Variants in MICU2 observed in about 807,000 individuals in gnomAD.
MICU2 encodes mitochondrial calcium uptake 2.
A neutral mutation model predicts 60.4 loss-of-function variants in MICU2; 64 were observed. That is an observed-to-expected ratio of 1.06 (90% CI 0.87 to 1.31). The LOEUF (loss-of-function observed/expected upper bound fraction) is 1.31, where lower values mean the gene tolerates loss of function less well. Ranked by LOEUF, MICU2 falls within the 50% of genes most tolerant of loss-of-function variation. The pLI is 0.00. For synonymous variants in MICU2, 201 were observed against 175.0 expected, an observed-to-expected ratio of 1.15 and a Z score of -1.17; for missense variants, 569 against 531.0, an observed-to-expected ratio of 1.07 and a Z score of -0.70.
chr13:21,502,076 TATTCAATA>T (rs1294117123), intron 9 of MICU2, among the ~76,000 whole-genome samples: 4 of 152,246 alleles, frequency 2.6e-5, no homozygotes, highest in African/African-American at 9.6e-5. Context: ...TAAGACTTTC[TATTCAATA>T]ATAGGGGATG....
chr13:21,530,312 C>T (rs1886958663), intron 4 of MICU2, among the ~76,000 whole-genome samples: 1 of 152,158 alleles, frequency 6.6e-6, no homozygotes, highest in Non-Finnish European at 1.5e-5. Flanking sequence ...AAGCCTCCTT[C>T]CCTCACCCCT....
At chr13:21,503,337 A>G (rs1886224950) in intron 8 of MICU2, among the ~76,000 whole-genome samples, 1 of 152,224 alleles carries the variant, frequency 6.6e-6, no homozygotes, top group Admixed American at 6.5e-5. Flanking sequence ...TGTGTAAGTT[A>G]TACCTGGCAA....
intron 6 of MICU2, among the ~76,000 whole-genome samples, chr13:21,514,698 AT>A (rs71202422): frequency 0.18 from 25,522 of 141,054 alleles, 3,325 homozygotes; most frequent in East Asian, 0.66. Flanking sequence ...ACTCCCGTTA[AT>A]TTTTTTTTTT....
At chr13:21,575,678 C>T (rs1302508148) in intron 1 of MICU2, among the ~76,000 whole-genome samples, 2 of 129,344 alleles carry the variant, frequency 1.5e-5, no homozygotes, top group South Asian at 2.4e-4. Flanking sequence ...TCCAGTGAGC[C>T]GAGATCGCAC....
chr13:21,514,341 A>G lies in MICU2; in HGVS notation c.663+12T>C. 6.3e-7 allele frequency: 1 copy of G among 1,597,616 alleles called. No homozygotes were observed. The highest frequency in any genetic ancestry group is 8.5e-7 in the Non-Finnish European group (1 of 1,169,788). On this transcript the variant is annotated intron_variant, in intron 7 of 11. Transcript: ENST00000382374. ...TATAAATATCAATTGTTTGGAAATC[A>G]TCTGTACATACCTGATATCCAGTTT...
At chr13:21,528,544 C>G (rs1886911411) in intron 4 of MICU2, among the ~76,000 whole-genome samples, 1 of 152,152 alleles carries the variant, frequency 6.6e-6, no homozygotes, top group Non-Finnish European at 1.5e-5. Flanking sequence ...ATACAAGAGT[C>G]TCAGCCCTTC....
At chr13:21,578,591 C>T (rs1283492138) in intron 1 of MICU2, among the ~76,000 whole-genome samples, 1 of 149,462 alleles carries the variant, frequency 6.7e-6, no homozygotes. Context: ...AGTGAGACCA[C>T]ATCTCAAAAA....
intron 2 of MICU2, among the ~76,000 whole-genome samples, chr13:21,552,143 G>A (rs1486187248): frequency 2.0e-5 from 3 of 152,106 alleles, no homozygotes; most frequent in Admixed American, 6.6e-5. Flanking sequence ...GTGTGAGATG[G>A]TATCTCATTG....
intron 1 of MICU2, among the ~76,000 whole-genome samples, chr13:21,603,395 A>T (rs1038268025): frequency 7.2e-5 from 11 of 152,348 alleles, no homozygotes; most frequent in Admixed American, 1.3e-4. Flanking sequence ...AAAATCTGGA[A>T]ATCAACTGGT....
chr13:21,523,456 C>G (rs1166936798), intron 4 of MICU2, among the ~76,000 whole-genome samples: 1 of 152,202 alleles, frequency 6.6e-6, no homozygotes, highest in Non-Finnish European at 1.5e-5. Flanking sequence ...AGTAGAATAA[C>G]AAGAGACTTG....
At chr13:21,576,247 C>A (rs1291754092) in intron 1 of MICU2, among the ~76,000 whole-genome samples, 1 of 152,118 alleles carries the variant, frequency 6.6e-6, no homozygotes, top group Non-Finnish European at 1.5e-5. Flanking sequence ...GGTCTGGTAT[C>A]TTGATTTATC....
intron 7 of MICU2, among the ~76,000 whole-genome samples, chr13:21,511,887 TTTC>T (rs751802980): frequency 6.6e-5 from 10 of 152,322 alleles, no homozygotes; most frequent in Admixed American, 6.5e-5. Flanking sequence ...ATCAATTGTG[TTTC>T]TTTTTATTGC....
rs10622847 is a variant in MICU2, at chr13:21,600,793, C to CTATTATTATTAT, written c.210+3134_210+3145dup. Among the ~76,000 whole-genome samples, 1,486 of 150,862 alleles carry CTATTATTATTAT rather than the reference C, an allele frequency of 9.9e-3. 14 individuals carry two copies. The highest frequency in any genetic ancestry group is 0.037 in the South Asian group (174 of 4,750). On this transcript the variant is annotated intron_variant, in intron 1 of 11. Transcript: ENST00000382374. The stretch of plus-strand genomic sequence containing the variant: ...TGACTGAAAATGAAGGACATATTCA[C>CTATTATTATTAT]TATTATTATTATTATTATTTTGAGA...
chr13:21,509,907 T>G (rs1886384877), intron 8 of MICU2, 97 bp downstream of exon 8: 1 of 636,076 alleles, frequency 1.6e-6, no homozygotes, highest in East Asian at 3.4e-5. Flanking sequence ...AGTATTTTAG[T>G]TTTATGATCT....
At chr13:21,595,442 T>C (rs1015162441) in intron 1 of MICU2, among the ~76,000 whole-genome samples, 4 of 152,252 alleles carry the variant, frequency 2.6e-5, no homozygotes, top group South Asian at 2.1e-4. Flanking sequence ...TAGGCAGGCA[T>C]AGTGACTTCA....
intron 2 of MICU2, among the ~76,000 whole-genome samples, chr13:21,552,669 C>T (rs1887601984): frequency 6.6e-6 from 1 of 152,134 alleles, no homozygotes; most frequent in Admixed American, 6.5e-5. Flanking sequence ...TTTCCCAGCA[C>T]CATTTATTAA....
chr13:21,543,015 T>C (rs776968165), intron 2 of MICU2, among the ~76,000 whole-genome samples: 4 of 152,190 alleles, frequency 2.6e-5, no homozygotes, highest in East Asian at 3.8e-4. Flanking sequence ...AATTAGACAA[T>C]AGACACATTT....
At chr13:21,602,104 C>CAA (rs67236446) in intron 1 of MICU2, among the ~76,000 whole-genome samples, 23,613 of 113,526 alleles carry the variant, frequency 0.21, 2,927 homozygotes, top group Non-Finnish European at 0.3. Context: ...GACTCCATCT[C>CAA]AACAACAAAA....
chr13:21,544,447 T>A (rs1268382663), intron 2 of MICU2, among the ~76,000 whole-genome samples: 3 of 92,642 alleles, frequency 3.2e-5, no homozygotes, highest in Non-Finnish European at 4.5e-5. Context: ...AAAATTCAAT[T>A]AAAAATGGGC....
Sources: allele counts gnomAD v4.1 joint callset (sites outside exome capture counted in the v4.1 genomes callset), GRCh38; gene constraint gnomAD v4.1.1; transcripts MANE v1.5; gene names NCBI Gene and HGNC (gene_info 2026-07-23, HGNC 2026-07-21).